The following CACNA1I variants were observed in gnomAD, a reference collection of about 807,000 sequenced individuals.
CACNA1I encodes voltage-dependent T-type calcium channel subunit alpha-1I.
Under a neutral mutation model 201.6 loss-of-function variants are expected in CACNA1I, and 74 were observed. The ratio of observed to expected loss-of-function variants is 0.37; its 90% CI spans 0.30 to 0.45. CACNA1I has a LOEUF of 0.45. CACNA1I is among the 20% of genes least tolerant of loss of function. The pLI, the probability that CACNA1I is intolerant of heterozygous loss-of-function variation, is 1.00. For missense variants in CACNA1I, 2,346 were observed against 3,138.1 expected (o/e 0.75, Z 6.03); for synonymous variants, 1,431 against 1,345.2 (o/e 1.06, Z -1.40).
chr22:39,652,127 A>C (rs544207507), intron 10 of CACNA1I, among the ~76,000 whole-genome samples: 1 of 149,688 alleles, frequency 6.7e-6, no homozygotes, highest in East Asian at 2.0e-4. Flanking sequence ...TCCCCCTCCC[A>C]GGTTCAAGCA....
intron 7 of CACNA1I, among the ~76,000 whole-genome samples, chr22:39,644,845 G>T (rs1306348787): frequency 6.6e-6 from 1 of 151,994 alleles, no homozygotes; most frequent in Non-Finnish European, 1.5e-5. Context: ...GCACCACCAT[G>T]CCTGGCTAAT....
intron 4 of CACNA1I, among the ~76,000 whole-genome samples, chr22:39,632,167 G>A (rs1934081552): frequency 6.6e-6 from 1 of 152,228 alleles, no homozygotes; most frequent in African/African-American, 2.4e-5. Context: ...GAGCGGGAAT[G>A]AAGCAGCCAG....
chr22:39,589,229 C>T (rs1284271537), intron 1 of CACNA1I, among the ~76,000 whole-genome samples: 1 of 152,132 alleles, frequency 6.6e-6, no homozygotes, highest in African/African-American at 2.4e-5. Flanking sequence ...CTAGGTTGTC[C>T]CAGGTTGGGG....
In CACNA1I at chr22:39,677,921, C is replaced by A; in HGVS notation, c.4934-66C>A. 1 of 1,505,222 alleles carries A rather than the reference C, an allele frequency of 6.6e-7. No individual in the cohort carries two copies. Among genetic ancestry groups the A allele is most frequent in the South Asian group, 1.3e-5 (1 of 77,904 alleles). The allele number at this position is 1,505,222 out of a possible 1,614,324, so 93.2% of individuals were successfully genotyped here. ...GGGTTCTGAGGCGAGGCGGGAGGCACCAGGTCAGGGTGAGCCCCGCAGGCA... is the reference window on the plus strand; with the variant it reads ...GGGTTCTGAGGCGAGGCGGGAGGCAACAGGTCAGGGTGAGCCCCGCAGGCA... On this transcript the variant is annotated intron_variant, in intron 30 of 36. Transcript: ENST00000402142. This position sits in a 1 kb window ranked among gnomAD's most constrained non-coding sequence, Gnocchi z 4.8.
intron 17 of CACNA1I, 84 bp downstream of exon 17, chr22:39,662,519 G>A (rs1438124968): frequency 1.3e-5 from 14 of 1,098,878 alleles, no homozygotes; most frequent in South Asian, 3.5e-5. Context: ...GGGCCCGAGC[G>A]GGCGGGCCCA....
In CACNA1I at chr22:39,660,382, C is replaced by T. The variant is rs199526648; in HGVS notation, c.2643C>T (p.Ser881=). Residue 881 remains serine (S), a synonymous_variant, in exon 15 of 37, where the codon AGC becomes AGT. Coordinates refer to ENST00000402142, the MANE Select transcript of CACNA1I (RefSeq NM_021096.4). Reference sequence around the variant, plus strand: ...GCTCCTACTCGGACGAGGACCAGAGCTCATCCAACATAGAAGAGTTTGATA... The same window carrying T: ...GCTCCTACTCGGACGAGGACCAGAGTTCATCCAACATAGAAGAGTTTGATA... ...ANRSYSDEDQ[S]SSNIEEFDKL... 139 of 1,612,978 alleles carry T rather than the reference C, an allele frequency of 8.6e-5. No homozygotes were observed. In the Middle Eastern group the frequency reaches 1.3e-3, roughly 15 times the overall value.
chr22:39,665,084 A>T lies in CACNA1I; in HGVS notation c.3851+161A>T, dbSNP rs551840957. Among the ~76,000 whole-genome samples the T allele has an allele frequency of 5.3e-5, 8 of 151,306 alleles. No homozygotes were observed. Among genetic ancestry groups the T allele is most frequent in the African/African-American group, 1.9e-4 (8 of 41,194 alleles). On this transcript the variant is annotated intron_variant, in intron 21 of 36. Transcript: ENST00000402142. The surrounding 1 kb of genome is among the most constrained non-coding windows in gnomAD (Gnocchi z 5.5). ...CTGTTCCCGGGGGAGGGGTCTGCAG[A>T]CCCTGGGGGTGGGGTATGCTGGAAG...
rs561764384 is a variant in CACNA1I at position 39,613,438 on chromosome 22, C to A, written c.483-5872C>A. On this transcript the variant is annotated intron_variant, in intron 3 of 36. Transcript: ENST00000402142. Reference sequence around the variant, plus strand: ...GAGGGCCTCATGTGATTCGTGGGCGCGTGTGAGCTGAGGTAACAGTTGAGG... The same window carrying A: ...GAGGGCCTCATGTGATTCGTGGGCGAGTGTGAGCTGAGGTAACAGTTGAGG... 7.9e-5 allele frequency among the ~76,000 whole-genome samples: 12 copies of A among 152,290 alleles called. No individual in the cohort carries two copies. In the South Asian group the frequency reaches 1.9e-3, roughly 24 times the overall value.
In CACNA1I at chr22:39,665,650, G is replaced by A; in HGVS notation, c.3978+26G>A. Reference sequence around the variant, plus strand: ...GTGAGGGGTGCCCAGTCTGGGCAGGGACTGGGCTCTGTGACTGGGGAAAAG... The same window carrying A: ...GTGAGGGGTGCCCAGTCTGGGCAGGAACTGGGCTCTGTGACTGGGGAAAAG... On this transcript the variant is annotated intron_variant, in intron 22 of 36. Coordinates refer to ENST00000402142, the MANE Select transcript of CACNA1I (RefSeq NM_021096.4). The surrounding 1 kb of genome is among the most constrained non-coding windows in gnomAD (Gnocchi z 5.5). 1 of 1,608,176 alleles carries A rather than the reference G, an allele frequency of 6.2e-7. No homozygotes were observed. The highest frequency in any genetic ancestry group is 8.5e-7 in the Non-Finnish European group (1 of 1,175,456).
chr22:39,648,955 G>T lies in CACNA1I; in HGVS notation c.1568-546G>T, dbSNP rs977409507. 6.6e-5 allele frequency among the ~76,000 whole-genome samples: 10 copies of T among 151,872 alleles called. No homozygotes were observed. Among genetic ancestry groups the T allele is most frequent in the Admixed American group, 6.6e-5 (1 of 15,266 alleles). On this transcript the variant is annotated intron_variant, in intron 9 of 36. Coordinates refer to ENST00000402142, the MANE Select transcript of CACNA1I (RefSeq NM_021096.4). This position sits in a 1 kb window ranked among gnomAD's most constrained non-coding sequence, Gnocchi z 5.4. ...GAAGTCCCAGGGGCTTCTGGAGTGA[G>T]GGTCTGCCCTTGCCCCAGGGCTCCA...
intron 24 of CACNA1I, among the ~76,000 whole-genome samples, 161 bp downstream of exon 24, chr22:39,668,542 C>G (rs1042564313): frequency 8.5e-5 from 13 of 152,194 alleles, no homozygotes; most frequent in African/African-American, 2.9e-4. Flanking sequence ...CCTGAATCTT[C>G]ACCATTACAG....
In CACNA1I at chr22:39,666,670, G is replaced by T. The variant is rs1006491027; in HGVS notation, c.4104+664G>T. ...CCCAGGAGGCCAGGTATGTCCAGAC[G>T]TAGGCGTGCCTTGCCCCAGGGCACA... is the stretch of plus-strand genomic sequence containing the variant. On this transcript the variant is annotated intron_variant, in intron 23 of 36. Coordinates refer to ENST00000402142, the MANE Select transcript of CACNA1I (RefSeq NM_021096.4). This position sits in a 1 kb window ranked among gnomAD's most constrained non-coding sequence, Gnocchi z 4.1. Among the ~76,000 whole-genome samples, 1 of 152,222 alleles carries T rather than the reference G, an allele frequency of 6.6e-6. No homozygotes were observed. The highest frequency in any genetic ancestry group is 1.5e-5 in the Non-Finnish European group (1 of 68,022).
intron 10 of CACNA1I, among the ~76,000 whole-genome samples, chr22:39,654,816 C>T (rs1022778279): frequency 6.6e-6 from 1 of 152,068 alleles, no homozygotes; most frequent in Non-Finnish European, 1.5e-5. Context: ...ACCCTGAGTC[C>T]TCAAGAAGGA....
At chr22:39,587,766 A>G (rs1176074041) in intron 1 of CACNA1I, 1 of 444,746 alleles carries the variant, frequency 2.2e-6, no homozygotes, top group South Asian at 1.6e-5. Flanking sequence ...ATTTTATTTT[A>G]TTTGATTTAT....
chr22:39,588,385 CTTT>C (rs3044379), intron 1 of CACNA1I, among the ~76,000 whole-genome samples: 4 of 80,720 alleles, frequency 5.0e-5, no homozygotes, highest in Admixed American at 1.3e-4. Context: ...TTCTTTCTTT[CTTT>C]TTTTTTTTTT....
intron 1 of CACNA1I, among the ~76,000 whole-genome samples, chr22:39,585,962 G>A (rs911886690): frequency 2.6e-5 from 4 of 151,202 alleles, no homozygotes; most frequent in African/African-American, 9.7e-5. Context: ...GGTGGATCAC[G>A]AGGTCAGGAG....
intron 7 of CACNA1I, among the ~76,000 whole-genome samples, chr22:39,643,776 C>A (rs1307471574): frequency 6.6e-6 from 1 of 152,160 alleles, no homozygotes; most frequent in Non-Finnish European, 1.5e-5. Context: ...AGAAGATGCC[C>A]CAGGTAAAAG....
At chr22:39,613,996 C>G (rs1251188466) in intron 3 of CACNA1I, among the ~76,000 whole-genome samples, 1 of 152,180 alleles carries the variant, frequency 6.6e-6, no homozygotes, top group East Asian at 1.9e-4. Context: ...CGCCACCATG[C>G]CCAGCTAATT....
intron 4 of CACNA1I, among the ~76,000 whole-genome samples, chr22:39,633,754 G>A (rs548719018): frequency 6.6e-6 from 1 of 152,344 alleles, no homozygotes; most frequent in African/African-American, 2.4e-5. Context: ...GATCTTAGGG[G>A]GAGGGTGTGT....
Sources: allele counts gnomAD v4.1 joint callset (sites outside exome capture counted in the v4.1 genomes callset), GRCh38; gene constraint gnomAD v4.1.1; non-coding constraint Gnocchi (gnomAD v3.1); transcripts MANE v1.5; gene names NCBI Gene and HGNC (gene_info 2026-07-23, HGNC 2026-07-21).